The following SLC35F4 variants were observed in gnomAD, a reference collection of about 807,000 sequenced individuals.
SLC35F4 encodes the protein solute carrier family 35 member F4, also known as chromosome 14 open reading frame 36.
A neutral mutation model predicts 44.2 loss-of-function variants in SLC35F4; 24 were observed. The observed-to-expected ratio is 0.54, with a 90% CI of 0.39 to 0.76. SLC35F4 has a LOEUF of 0.76. Ranked by LOEUF, SLC35F4 falls within the 30% of genes least tolerant of loss-of-function variation. The pLI is 0.00. For synonymous variants in SLC35F4, 238 were observed against 223.6 expected, an observed-to-expected ratio of 1.06 and a Z score of -0.57; for missense variants, 562 against 586.1, an observed-to-expected ratio of 0.96 and a Z score of 0.42.
intron 1 of SLC35F4, among the ~76,000 whole-genome samples, chr14:57,842,259 G>A (rs1363096990): frequency 6.6e-6 from 1 of 152,178 alleles, no homozygotes; most frequent in African/African-American, 2.4e-5. Context: ...GCAGTTAAGT[G>A]AGTTACATGA....
chr14:57,812,629 T>A (rs934424520), intron 1 of SLC35F4, among the ~76,000 whole-genome samples: 1 of 152,126 alleles, frequency 6.6e-6, no homozygotes, highest in East Asian at 1.9e-4. Flanking sequence ...GGATTTAAAT[T>A]TATGCTCTGA....
chr14:57,746,597 T>C (rs1342261803), intron 1 of SLC35F4, among the ~76,000 whole-genome samples: 9 of 152,126 alleles, frequency 5.9e-5, no homozygotes, highest in Non-Finnish European at 1.2e-4. Flanking sequence ...TATCAGTATG[T>C]AATTGTTTTT....
At chr14:57,758,224 A>C (rs561934173) in intron 1 of SLC35F4, among the ~76,000 whole-genome samples, 1 of 152,046 alleles carries the variant, frequency 6.6e-6, no homozygotes, top group East Asian at 1.9e-4. Context: ...GCTTTAGTGA[A>C]GTTTTCTTCA....
At chr14:57,867,868 C>T (rs531541996), upstream of SLC35F4, among the ~76,000 whole-genome samples, 1 of 152,094 alleles carries the variant, frequency 6.6e-6, no homozygotes, top group Admixed American at 6.5e-5. Flanking sequence ...AAGCAAAAAC[C>T]TTCTGATGTA....
intron 1 of SLC35F4, among the ~76,000 whole-genome samples, chr14:57,691,834 T>C (rs1031053340): frequency 6.7e-6 from 1 of 149,996 alleles, no homozygotes; most frequent in Non-Finnish European, 1.5e-5. Flanking sequence ...CAGACTTAGA[T>C]GAACAATGCT....
chr14:57,715,984 A>C (rs1252173201), intron 1 of SLC35F4, among the ~76,000 whole-genome samples: 1 of 152,356 alleles, frequency 6.6e-6, no homozygotes, highest in South Asian at 2.1e-4. Context: ...TAATATAAAA[A>C]TGTACTTTTA....
intron 1 of SLC35F4, among the ~76,000 whole-genome samples, chr14:57,774,461 G>A (rs1421535635): frequency 1.3e-5 from 2 of 152,202 alleles, no homozygotes; most frequent in African/African-American, 2.4e-5. Context: ...GAGAGCATCT[G>A]TAGTGCAGCA....
intron 1 of SLC35F4, among the ~76,000 whole-genome samples, chr14:57,841,858 T>A (rs1885519891): frequency 6.6e-6 from 1 of 152,192 alleles, no homozygotes; most frequent in Non-Finnish European, 1.5e-5. Context: ...AATAAAAGAT[T>A]AGCTAAATAC....
chr14:57,635,510 T>G (rs557114645), intron 1 of SLC35F4, among the ~76,000 whole-genome samples: 1 of 152,072 alleles, frequency 6.6e-6, no homozygotes, highest in East Asian at 1.9e-4. Flanking sequence ...AATATGGGAA[T>G]AGTCAGCTGA....
chr14:57,735,642 C>T (rs1001668451), intron 1 of SLC35F4, among the ~76,000 whole-genome samples: 1 of 152,148 alleles, frequency 6.6e-6, no homozygotes, highest in African/African-American at 2.4e-5. Context: ...CTCAAGGCCT[C>T]ACCCTGGAAG....
chr14:57,582,213 T>G (rs367595549), intron 3 of SLC35F4, among the ~76,000 whole-genome samples: 3,384 of 148,150 alleles, frequency 0.023, 68 homozygotes, highest in South Asian at 0.05. Context: ...ATTTTTTTTT[T>G]CCCCCTAGGT....
intron 1 of SLC35F4, among the ~76,000 whole-genome samples, chr14:57,977,832 A>T (rs1881263521): frequency 6.6e-6 from 1 of 152,168 alleles, no homozygotes; most frequent in Admixed American, 6.5e-5. Flanking sequence ...CCCGAAAGAC[A>T]GTGGAGAAAG....
chr14:57,894,405 G>A (rs1888831833), intron 1 of SLC35F4, among the ~76,000 whole-genome samples: 1 of 151,994 alleles, frequency 6.6e-6, no homozygotes, highest in South Asian at 2.1e-4. Context: ...GGGAAGAAAT[G>A]GCTTCACAAG....
At chr14:57,943,399 T>C (rs908191060) in intron 1 of SLC35F4, among the ~76,000 whole-genome samples, 4 of 152,264 alleles carry the variant, frequency 2.6e-5, no homozygotes, top group Non-Finnish European at 4.4e-5. Context: ...TTCTATTAAG[T>C]ACATTTCTCC....
At position 57,589,177 on chromosome 14, in the gene SLC35F4, T is replaced by C. The variant is rs1451129757; in HGVS notation, c.587+39A>G. On this transcript the variant is annotated intron_variant, in intron 3 of 7. Transcript: ENST00000556826. The stretch of plus-strand genomic sequence containing the variant: ...AAATAGGCATATTTTCATAAAACAT[T>C]TCAATGATCTCTTATTGGGCAGTTA... 7 of 1,539,738 alleles carry C rather than the reference T, an allele frequency of 4.5e-6. No homozygotes were observed. In the Admixed American group the frequency reaches 8.2e-5, roughly 18 times the overall value.
chr14:57,623,990 CA>C (rs1051679572), intron 1 of SLC35F4, among the ~76,000 whole-genome samples: 2 of 151,894 alleles, frequency 1.3e-5, no homozygotes, highest in Non-Finnish European at 2.9e-5. Flanking sequence ...AAAATCCCTT[CA>C]AAAAATCAAT....
chr14:57,692,168 T>A (rs2075253538), intron 1 of SLC35F4, among the ~76,000 whole-genome samples: 1 of 152,208 alleles, frequency 6.6e-6, no homozygotes, highest in African/African-American at 2.4e-5. Context: ...TTGCATCCAA[T>A]AGGTTTTCTT....
At chr14:57,753,333 C>T (rs1332083212) in intron 1 of SLC35F4, among the ~76,000 whole-genome samples, 1 of 152,164 alleles carries the variant, frequency 6.6e-6, no homozygotes. Context: ...GTTGGATTCC[C>T]CAATACTTGG....
intron 1 of SLC35F4, among the ~76,000 whole-genome samples, chr14:57,665,960 C>G (rs542110861): frequency 8.5e-5 from 13 of 152,242 alleles, no homozygotes; most frequent in African/African-American, 2.6e-4. Context: ...GGGGGAACAA[C>G]ACACATTTTG....
Sources: allele counts gnomAD v4.1 joint callset (sites outside exome capture counted in the v4.1 genomes callset), GRCh38; gene constraint gnomAD v4.1.1; transcripts MANE v1.5; gene names NCBI Gene and HGNC (gene_info 2026-07-23, HGNC 2026-07-21).